GRID1: variants seen among roughly 807,000 people sequenced by gnomAD.
GRID1 encodes glutamate ionotropic receptor delta type subunit 1.
In GRID1, 28 loss-of-function variants were observed where a neutral mutation model predicts 98.0. That is an observed-to-expected ratio of 0.29 (90% CI 0.21 to 0.39). The LOEUF (loss-of-function observed/expected upper bound fraction) is 0.39, where lower values mean the gene tolerates loss of function less well. Ranked by LOEUF, GRID1 falls within the 10% of genes least tolerant of loss-of-function variation. GRID1 has a pLI of 1.00. For synonymous variants in GRID1, 553 were observed against 538.5 expected, an observed-to-expected ratio of 1.03 and a Z score of -0.37; for missense variants, 1,111 against 1,340.5, an observed-to-expected ratio of 0.83 and a Z score of 2.67.
At position 85,723,146 on chromosome 10, in the gene GRID1, G is replaced by A. The variant is rs199529621; in HGVS notation, c.1859-5C>T. 65 of 1,602,894 alleles carry A rather than the reference G, an allele frequency of 4.1e-5. No homozygotes were observed. The highest frequency in any genetic ancestry group is 8.5e-5 in the Admixed American group (5 of 58,826). On this transcript the variant is annotated splice_region_variant and splice_polypyrimidine_tract_variant and intron_variant, in intron 11 of 15. Coordinates refer to ENST00000327946, the MANE Select transcript of GRID1 (RefSeq NM_017551.3). ...AGTTCACGGAAGATTCGCCACCTGCGGGAGGCAGACAAAGTGGATTGGCCA... is the reference window on the plus strand; with the variant it reads ...AGTTCACGGAAGATTCGCCACCTGCAGGAGGCAGACAAAGTGGATTGGCCA...
chr10:85,953,075 A>G (rs114980493), intron 4 of GRID1, among the ~76,000 whole-genome samples: 1 of 152,156 alleles, frequency 6.6e-6, no homozygotes, highest in African/African-American at 2.4e-5. Context: ...TTATATTATC[A>G]GTAAGGTTTC....
At chr10:86,242,371 C>T (rs1054875448) in intron 2 of GRID1, among the ~76,000 whole-genome samples, 1 of 152,136 alleles carries the variant, frequency 6.6e-6, no homozygotes, top group African/African-American at 2.4e-5. Flanking sequence ...TGCCTCCTGA[C>T]CCAGACGCTG....
intron 2 of GRID1, among the ~76,000 whole-genome samples, chr10:86,353,079 T>A (rs1848483981): frequency 6.6e-6 from 1 of 152,112 alleles, no homozygotes; most frequent in Non-Finnish European, 1.5e-5. Context: ...GGAAAATGTG[T>A]TTATTGAGTG....
chr10:85,798,538 T>TA (rs1842545837), intron 8 of GRID1, among the ~76,000 whole-genome samples: 1 of 151,446 alleles, frequency 6.6e-6, no homozygotes, highest in South Asian at 2.1e-4. Context: ...ATTTGTTATG[T>TA]TTTTTTTGTA....
intron 2 of GRID1, among the ~76,000 whole-genome samples, chr10:86,325,469 C>T (rs529205259): frequency 8.5e-5 from 13 of 152,304 alleles, no homozygotes; most frequent in African/African-American, 2.9e-4. Flanking sequence ...CACAGTCTTC[C>T]ATGTACACCC....
chr10:86,050,786 G>A (rs1255508641), intron 4 of GRID1, among the ~76,000 whole-genome samples: 1 of 151,444 alleles, frequency 6.6e-6, no homozygotes, highest in Non-Finnish European at 1.5e-5. Context: ...ACTTATAAAT[G>A]TAAAGCAATT....
At chr10:86,064,814 C>T (rs958542914) in intron 4 of GRID1, among the ~76,000 whole-genome samples, 12 of 152,186 alleles carry the variant, frequency 7.9e-5, no homozygotes, top group Non-Finnish European at 1.5e-4. Flanking sequence ...CCTTTCCCTC[C>T]CCAGCTGCCT....
intron 2 of GRID1, among the ~76,000 whole-genome samples, chr10:86,328,700 C>A (rs7914913): frequency 0.073 from 11,113 of 152,188 alleles, 805 homozygotes; most frequent in African/African-American, 0.19. Flanking sequence ...TATCTCACAT[C>A]CCCAGAAATG....
At chr10:85,778,853 T>G (rs1842357099) in intron 8 of GRID1, among the ~76,000 whole-genome samples, 1 of 152,164 alleles carries the variant, frequency 6.6e-6, no homozygotes, top group Non-Finnish European at 1.5e-5. Context: ...TATGCCTCCC[T>G]TCTGCAAAAT....
intron 13 of GRID1, 119 bp from the exon 14 acceptor site, chr10:85,620,152 C>T: frequency 1.3e-6 from 1 of 745,564 alleles, no homozygotes; most frequent in South Asian, 1.7e-5. Context: ...TTCCTACCCA[C>T]CAGACAGCAC....
At chr10:86,331,750 C>T (rs1382206830) in intron 2 of GRID1, among the ~76,000 whole-genome samples, 4 of 152,222 alleles carry the variant, frequency 2.6e-5, no homozygotes, top group African/African-American at 9.6e-5. Context: ...TTTCCATTTC[C>T]TCATCTGCAG....
At chr10:86,029,383 T>G (rs1843155892) in intron 4 of GRID1, among the ~76,000 whole-genome samples, 1 of 152,208 alleles carries the variant, frequency 6.6e-6, no homozygotes, top group Non-Finnish European at 1.5e-5. Flanking sequence ...TATTTGAGAA[T>G]ATGAACCCAT....
chr10:86,005,598 G>A (rs769029695), intron 4 of GRID1, among the ~76,000 whole-genome samples: 4 of 152,348 alleles, frequency 2.6e-5, no homozygotes, highest in Non-Finnish European at 5.9e-5. Flanking sequence ...GATGAGATAA[G>A]GGATCCCACA....
rs1197223796 is a variant in GRID1, at chr10:85,645,381, T to G, written c.2193+1821A>C. ...AGCCACAAAGATTCACTGTCAGGGG[T>G]GAAAGAAGATCCTGCAGCTTAAGGC... On this transcript the variant is annotated intron_variant, in intron 13 of 15. Transcript: ENST00000327946. Among the ~76,000 whole-genome samples the G allele has an allele frequency of 3.9e-5, 6 of 152,182 alleles. No individual in the cohort carries two copies. The East Asian group carries it at 1.2e-3, about 29-fold the overall frequency.
At chr10:86,332,010 C>T (rs1039875308) in intron 2 of GRID1, among the ~76,000 whole-genome samples, 6 of 152,194 alleles carry the variant, frequency 3.9e-5, no homozygotes, top group Admixed American at 2.0e-4. Context: ...ACAGACCAGA[C>T]GGAGGCTGCA....
At chr10:85,616,419 C>T (rs1842789203) in intron 14 of GRID1, among the ~76,000 whole-genome samples, 3 of 152,138 alleles carry the variant, frequency 2.0e-5, no homozygotes, top group African/African-American at 7.2e-5. Context: ...CAGCTTCTGG[C>T]CCAGGGGATG....
intron 4 of GRID1, among the ~76,000 whole-genome samples, chr10:86,100,274 C>T (rs1358737086): frequency 3.9e-5 from 6 of 152,162 alleles, no homozygotes; most frequent in African/African-American, 7.2e-5. Flanking sequence ...CTCCAATTAC[C>T]GAGCACTTCT....
At chr10:85,743,494 A>T (rs145075927) in intron 8 of GRID1, among the ~76,000 whole-genome samples, 248 of 152,304 alleles carry the variant, frequency 1.6e-3, no homozygotes, top group African/African-American at 5.0e-3. Flanking sequence ...ACAGTGTTAC[A>T]ATAAAAAAAT....
At chr10:86,025,954 C>T (rs1341592089) in intron 4 of GRID1, among the ~76,000 whole-genome samples, 1 of 152,246 alleles carries the variant, frequency 6.6e-6, no homozygotes, top group African/African-American at 2.4e-5. Flanking sequence ...TATAGTCCTT[C>T]TGTGCCCTGG....
Sources: gnomAD v4.1 joint callset for allele counts (sites outside exome capture counted in the v4.1 genomes callset) on GRCh38, gnomAD v4.1.1 for gene constraint, MANE v1.5 for transcripts, NCBI Gene and HGNC (gene_info 2026-07-23, HGNC 2026-07-21) for gene names.